The following SLC35F3 variants were observed in gnomAD, a reference collection of about 807,000 sequenced individuals.
The protein encoded by SLC35F3 is putative thiamine transporter SLC35F3.
In SLC35F3, 25 loss-of-function variants were observed where a neutral mutation model predicts 49.9. That is an observed-to-expected ratio of 0.50 (90% CI 0.37 to 0.70). SLC35F3 has a LOEUF of 0.70. Among genes scored for constraint, SLC35F3 ranks in the 30% least tolerant of loss-of-function variants. The probability of loss-of-function intolerance (pLI) is 0.00; values close to 1 mark genes in which losing one functional copy is unlikely to be tolerated. For missense variants in SLC35F3, 525 were observed against 639.8 expected (o/e 0.82, Z 1.94); for synonymous variants, 275 against 265.4 (o/e 1.04, Z -0.35).
At chr1:233,963,027 ACC>A (rs1263514688) in intron 2 of SLC35F3, among the ~76,000 whole-genome samples, 1 of 152,330 alleles carries the variant, frequency 6.6e-6, no homozygotes, top group East Asian at 1.9e-4. Context: ...TGTGTCCCAG[ACC>A]CTCAGCTGCA....
At chr1:234,124,205 G>A (rs1443679645) in intron 2 of SLC35F3, among the ~76,000 whole-genome samples, 2 of 152,222 alleles carry the variant, frequency 1.3e-5, no homozygotes, top group Non-Finnish European at 2.9e-5. Context: ...CACCCAAAGA[G>A]CAGTGCTCTC....
At chr1:234,001,024 A>C (rs1173309464) in intron 2 of SLC35F3, among the ~76,000 whole-genome samples, 2 of 152,188 alleles carry the variant, frequency 1.3e-5, no homozygotes, top group Non-Finnish European at 2.9e-5. Flanking sequence ...CTTGATCCGT[A>C]CAGATGTCAG....
chr1:233,945,851 C>T (rs1251546876), intron 2 of SLC35F3, among the ~76,000 whole-genome samples: 2 of 152,204 alleles, frequency 1.3e-5, no homozygotes, highest in African/African-American at 4.8e-5. Flanking sequence ...CCATGTGTGA[C>T]TGTGAGTCAA....
At chr1:234,052,709 A>G (rs1458082309) in intron 2 of SLC35F3, among the ~76,000 whole-genome samples, 1 of 151,950 alleles carries the variant, frequency 6.6e-6, no homozygotes, top group Non-Finnish European at 1.5e-5. Context: ...TTGCTTCTGT[A>G]GTTCTTTTAA....
intron 2 of SLC35F3, among the ~76,000 whole-genome samples, chr1:234,143,851 G>A (rs1424991253): frequency 6.6e-6 from 1 of 152,190 alleles, no homozygotes; most frequent in Non-Finnish European, 1.5e-5. Context: ...GCTATGAGTT[G>A]CTGACTTCAT....
rs60833095 is a variant in SLC35F3 at position 233,971,980 on chromosome 1, C to G, written c.283+66222C>G. On this transcript the variant is annotated intron_variant, in intron 2 of 7. Transcript: ENST00000366618. Reference sequence around the variant, plus strand: ...GGCCTGCACAATGCCTCAACCTGTGCCAGTGCCGTGTGTGTGTCAGGGACC... The same window carrying G: ...GGCCTGCACAATGCCTCAACCTGTGGCAGTGCCGTGTGTGTGTCAGGGACC... Among the ~76,000 whole-genome samples the G allele has an allele frequency of 2.7e-3, 408 of 152,362 alleles. 2 individuals carry two copies. Among genetic ancestry groups the G allele is most frequent in the African/African-American group, 9.4e-3 (390 of 41,594 alleles).
chr1:234,016,894 T>C (rs1469952792), intron 2 of SLC35F3, among the ~76,000 whole-genome samples: 1 of 152,200 alleles, frequency 6.6e-6, no homozygotes, highest in East Asian at 1.9e-4. Flanking sequence ...GGGAGGCAGA[T>C]GGCAGGCAGT....
intron 2 of SLC35F3, among the ~76,000 whole-genome samples, chr1:234,223,204 G>A (rs1390372810): frequency 6.6e-6 from 1 of 152,154 alleles, no homozygotes; most frequent in Non-Finnish European, 1.5e-5. Flanking sequence ...TCAGACCTTT[G>A]AGAGTTATTC....
chr1:233,938,674 GTGGATGGA>G (rs75278438), intron 2 of SLC35F3, among the ~76,000 whole-genome samples: 58 of 150,218 alleles, frequency 3.9e-4, no homozygotes, highest in African/African-American at 8.8e-4. Flanking sequence ...GGATTGGTGG[GTGGATGGA>G]TGGATGGATG....
At chr1:234,211,670 G>A (rs576712599) in intron 2 of SLC35F3, among the ~76,000 whole-genome samples, 4 of 152,324 alleles carry the variant, frequency 2.6e-5, no homozygotes, top group African/African-American at 4.8e-5. Flanking sequence ...CCCAATGCCT[G>A]TACCCCCATT....
intron 2 of SLC35F3, among the ~76,000 whole-genome samples, chr1:234,216,161 G>T (rs533698331): frequency 7.2e-5 from 11 of 152,296 alleles, no homozygotes; most frequent in Admixed American, 6.5e-4. Flanking sequence ...TGTGAATTGG[G>T]GAGGGAAGGA....
chr1:234,066,830 C>CA lies in SLC35F3; in HGVS notation c.283+161072_283+161073insA, dbSNP rs1664627223. ...CTCTCTGTCTCTGTCCCTCTCTCTCCCACACACACACACACACACACACAC... is the reference window on the plus strand; with the variant it reads ...CTCTCTGTCTCTGTCCCTCTCTCTCCACACACACACACACACACACACACAC... On this transcript the variant is annotated intron_variant, in intron 2 of 7. Coordinates refer to ENST00000366618, the MANE Select transcript of SLC35F3 (RefSeq NM_173508.4). 5.9e-3 allele frequency among the ~76,000 whole-genome samples: 791 copies of CA among 135,204 alleles called. 12 individuals carry two copies. Among genetic ancestry groups the CA allele is most frequent in the African/African-American group, 0.022 (761 of 35,092 alleles). 88.7% of individuals were successfully genotyped at this position (135,204 alleles called of 152,430 possible).
chr1:234,231,285 A>G lies in SLC35F3; in HGVS notation c.284-132A>G. ...CTTGCTGTCACACAGCCGCCCTGGA[A>G]GCCGCCCCTGCACCCGCTATCTCCC... On this transcript the variant is annotated intron_variant, in intron 2 of 7. Coordinates refer to ENST00000366618, the MANE Select transcript of SLC35F3 (RefSeq NM_173508.4). This position sits in a 1 kb window ranked among gnomAD's most constrained non-coding sequence, Gnocchi z 5.4. 1.4e-6 allele frequency: 1 copy of G among 721,046 alleles called. No individual in the cohort carries two copies. The highest frequency in any genetic ancestry group is 2.2e-6 in the Non-Finnish European group (1 of 453,244). 44.7% of individuals were successfully genotyped at this position (721,046 alleles called of 1,614,324 possible). A position where few individuals can be genotyped will look rare whatever the true frequency, so the allele number is the denominator to read the frequency against.
intron 2 of SLC35F3, among the ~76,000 whole-genome samples, chr1:234,186,536 A>C (rs977892158): frequency 6.7e-6 from 1 of 150,368 alleles, no homozygotes; most frequent in Non-Finnish European, 1.5e-5. Context: ...CCCTAGGCCA[A>C]CCTGGCACCT....
intron 2 of SLC35F3, among the ~76,000 whole-genome samples, chr1:234,158,591 G>A (rs773803863): frequency 1.3e-5 from 2 of 152,098 alleles, no homozygotes; most frequent in African/African-American, 4.8e-5. Context: ...CTATCATTGG[G>A]TATTTAGTTT....
At chr1:234,066,815 C>T (rs1290208613) in intron 2 of SLC35F3, among the ~76,000 whole-genome samples, 1 of 141,726 alleles carries the variant, frequency 7.1e-6, no homozygotes. Flanking sequence ...CTCTCTGTCT[C>T]TGTCCCTCTC....
chr1:233,972,421 A>G (rs778691863), intron 2 of SLC35F3, among the ~76,000 whole-genome samples: 2 of 152,234 alleles, frequency 1.3e-5, no homozygotes, highest in African/African-American at 2.4e-5. Flanking sequence ...CTAGATGGGT[A>G]TAAACAGTGA....
intron 2 of SLC35F3, among the ~76,000 whole-genome samples, chr1:234,130,463 A>AT (rs34744340): frequency 0.42 from 55,595 of 131,904 alleles, 12,475 homozygotes; most frequent in Non-Finnish European, 0.53. Flanking sequence ...ACACGGTGAA[A>AT]CCCCGTCTCT....
chr1:234,267,221 A>G lies in SLC35F3; in HGVS notation c.608+35480A>G, dbSNP rs1172247614. Among the ~76,000 whole-genome samples the G allele has an allele frequency of 3.2e-5, 4 of 123,186 alleles. No homozygotes were observed. The East Asian group carries it at 9.0e-4, about 28-fold the overall frequency. The allele number at this position is 123,186 out of a possible 152,430, so 80.8% of individuals were successfully genotyped here. ...TAAGGTCACAGATCAACAGGATCCC[A>G]AGGCAGAAGAATTTTTCTTAGTACA... On this transcript the variant is annotated intron_variant, in intron 3 of 7. Transcript: ENST00000366618.
Sources: gnomAD v4.1 joint callset for allele counts (sites outside exome capture counted in the v4.1 genomes callset) on GRCh38, gnomAD v4.1.1 for gene constraint, Gnocchi (gnomAD v3.1) non-coding constraint, MANE v1.5 for transcripts, NCBI Gene and HGNC (gene_info 2026-07-23, HGNC 2026-07-21) for gene names.